Variants in DDAH1 observed in about 807,000 individuals in gnomAD.
DDAH1 encodes the protein N(G),N(G)-dimethylarginine dimethylaminohydrolase 1.
DDAH1 carries 19 observed loss-of-function variants against 28.8 expected under a neutral mutation model. That is an observed-to-expected ratio of 0.66 (90% CI 0.46 to 0.97). The LOEUF (loss-of-function observed/expected upper bound fraction) is 0.97. Among genes scored for constraint, DDAH1 ranks in the 50% least tolerant of loss-of-function variants. The pLI is 0.00. For missense variants in DDAH1, 326 were observed against 375.9 expected (o/e 0.87, Z 1.10); for synonymous variants, 153 against 154.4 (o/e 0.99, Z 0.07).
intron 1 of DDAH1, among the ~76,000 whole-genome samples, chr1:85,544,891 A>G (rs187723220): frequency 2.0e-4 from 31 of 152,278 alleles, no homozygotes; most frequent in African/African-American, 6.5e-4. Context: ...TCACCCTGTC[A>G]CACCCGCACA....
chr1:85,325,016 A>G (rs1230531829), intron 4 of DDAH1, 133 bp from the exon 5 acceptor site: 14 of 971,588 alleles, frequency 1.4e-5, no homozygotes, highest in Non-Finnish European at 2.0e-5. Flanking sequence ...CCCATCTATT[A>G]CCTCCAGTCA....
At chr1:85,539,790 T>C (rs1282582523) in intron 1 of DDAH1, among the ~76,000 whole-genome samples, 4 of 152,150 alleles carry the variant, frequency 2.6e-5, no homozygotes, top group Non-Finnish European at 5.9e-5. Flanking sequence ...GTGATTTTAA[T>C]GACCCAGTTT....
intron 1 of DDAH1, chr1:85,404,643 C>G (rs1359660612): frequency 1.4e-6 from 1 of 693,260 alleles, no homozygotes; most frequent in Non-Finnish European, 2.0e-6. Context: ...ACTGTAGACT[C>G]AAGTATTTCT....
At chr1:85,490,421 C>T (rs902955028) in intron 2 of DDAH1, among the ~76,000 whole-genome samples, 2 of 152,120 alleles carry the variant, frequency 1.3e-5, no homozygotes, top group African/African-American at 4.8e-5. Context: ...GATAGTTCTC[C>T]CACTAATGTA....
intron 4 of DDAH1, among the ~76,000 whole-genome samples, chr1:85,346,877 G>T (rs147379357): frequency 6.6e-6 from 1 of 151,918 alleles, no homozygotes. Flanking sequence ...CTGACAAAGG[G>T]TTAATATCCA....
chr1:85,491,800 T>C (rs1413617656), intron 2 of DDAH1, among the ~76,000 whole-genome samples: 1 of 152,224 alleles, frequency 6.6e-6, no homozygotes, highest in Non-Finnish European at 1.5e-5. Flanking sequence ...CTTTTGCTTG[T>C]GTACTTTGTA....
intron 1 of DDAH1, chr1:85,380,504 C>T (rs766981410): frequency 6.6e-6 from 1 of 152,172 alleles, no homozygotes; most frequent in Non-Finnish European, 1.5e-5. Context: ...TTCCCACTGG[C>T]CTCTGGTTAC....
chr1:85,384,770 C>A (rs1223931123), intron 1 of DDAH1, among the ~76,000 whole-genome samples: 2 of 152,142 alleles, frequency 1.3e-5, no homozygotes, highest in Non-Finnish European at 2.9e-5. Flanking sequence ...CAACATTTCT[C>A]CCCTTAACAA....
chr1:85,344,871 A>T (rs1570405518), intron 4 of DDAH1, among the ~76,000 whole-genome samples: 1 of 152,198 alleles, frequency 6.6e-6, no homozygotes, highest in East Asian at 1.9e-4. Context: ...TAATTAAAAA[A>T]ATTAAAAACA....
At chr1:85,338,404 A>G (rs3768227) in intron 4 of DDAH1, among the ~76,000 whole-genome samples, 44,053 of 152,068 alleles carry the variant, frequency 0.29, 7,274 homozygotes, top group South Asian at 0.4. Flanking sequence ...TTTCCTTCAT[A>G]TGAGAGCTAT....
chr1:85,576,954 A>AGCC (rs1159428292), intron 1 of DDAH1: 2 of 142,992 alleles, frequency 1.4e-5, no homozygotes, highest in African/African-American at 2.6e-5. Flanking sequence ...GTCGCAGGAC[A>AGCC]GCCGCCGCCG....
intron 2 of DDAH1, among the ~76,000 whole-genome samples, chr1:85,470,920 G>C (rs887703904): frequency 6.6e-6 from 1 of 152,218 alleles, no homozygotes; most frequent in African/African-American, 2.4e-5. Context: ...ATGGGTTTTA[G>C]ATTCAGACAA....
chr1:85,423,924 T>C (rs1653268312), intron 1 of DDAH1, among the ~76,000 whole-genome samples: 1 of 152,188 alleles, frequency 6.6e-6, no homozygotes, highest in Non-Finnish European at 1.5e-5. Context: ...ATTTTTATCA[T>C]GAACGGGTGT....
chr1:85,509,579 T>C (rs1441070386), intron 1 of DDAH1, among the ~76,000 whole-genome samples: 1 of 152,076 alleles, frequency 6.6e-6, no homozygotes, highest in African/African-American at 2.4e-5. Flanking sequence ...ACAAGGAAGC[T>C]AAAAACCTTG....
chr1:85,468,817 C>A (rs1027356712), upstream of DDAH1, among the ~76,000 whole-genome samples: 2 of 152,098 alleles, frequency 1.3e-5, no homozygotes, highest in South Asian at 4.2e-4. Context: ...CGCGCCTAGC[C>A]GGGAACTCTC....
chr1:85,509,188 T>C (rs200340238), intron 1 of DDAH1, among the ~76,000 whole-genome samples: 4 of 152,344 alleles, frequency 2.6e-5, no homozygotes, highest in African/African-American at 9.6e-5. Context: ...ATGCTGGTGA[T>C]ACCCAGGCAA....
chr1:85,347,592 A>C (rs550095227), intron 4 of DDAH1, among the ~76,000 whole-genome samples: 1 of 152,204 alleles, frequency 6.6e-6, no homozygotes, highest in African/African-American at 2.4e-5. Context: ...CAGGATGGGG[A>C]ACATCACACA....
intron 2 of DDAH1, among the ~76,000 whole-genome samples, chr1:85,478,583 A>C (rs1216107968): frequency 6.6e-6 from 1 of 152,206 alleles, no homozygotes; most frequent in Non-Finnish European, 1.5e-5. Flanking sequence ...CACCCCCATG[A>C]TTCAATAACT....
chr1:85,326,805 G>C (rs900399665), intron 4 of DDAH1, among the ~76,000 whole-genome samples: 1 of 152,192 alleles, frequency 6.6e-6, no homozygotes, highest in African/African-American at 2.4e-5. Flanking sequence ...GCTCACCTAT[G>C]GAGTGGGTCT....
Sources: gnomAD v4.1 joint callset for allele counts (sites outside exome capture counted in the v4.1 genomes callset) on GRCh38, gnomAD v4.1.1 for gene constraint, MANE v1.5 for transcripts, NCBI Gene and HGNC (gene_info 2026-07-23, HGNC 2026-07-21) for gene names.